Variants in TPCN1 observed in about 807,000 individuals in gnomAD.
The protein encoded by TPCN1 is two pore channel protein 1.
In TPCN1, 52 loss-of-function variants were observed where a neutral mutation model predicts 108.8. The observed-to-expected ratio is 0.48, with a 90% CI of 0.38 to 0.60. The LOEUF (loss-of-function observed/expected upper bound fraction) is 0.60. Ranked by LOEUF, TPCN1 falls within the 20% of genes least tolerant of loss-of-function variation. The pLI is 0.00. For synonymous variants in TPCN1, 446 were observed against 433.7 expected, an observed-to-expected ratio of 1.03 and a Z score of -0.35; for missense variants, 806 against 1,072.8, an observed-to-expected ratio of 0.75 and a Z score of 3.47.
chr12:113,269,856 G>C lies in TPCN1; in HGVS notation c.748+11G>C. On this transcript the variant is annotated intron_variant, in intron 7 of 27. Transcript: ENST00000335509. The surrounding 1 kb of genome is among the most constrained non-coding windows in gnomAD (Gnocchi z 5.0). ...TCTTTGCCATCCTCGGTGAGTTCCC[G>C]CCTCTCAGGCCCAGGTGCGCTGGAA... is the stretch of plus-strand genomic sequence containing the variant. 6.2e-7 allele frequency: 1 copy of C among 1,613,144 alleles called. No homozygotes were observed. The highest frequency in any genetic ancestry group is 8.5e-7 in the Non-Finnish European group (1 of 1,179,614).
At chr12:113,229,821 A>T (rs551237355) in intron 2 of TPCN1, among the ~76,000 whole-genome samples, 2 of 152,092 alleles carry the variant, frequency 1.3e-5, no homozygotes, top group East Asian at 1.9e-4. Context: ...CACAAGCCCA[A>T]CCTGGTTGTT....
At chr12:113,227,738 C>G (rs1295421654) in intron 2 of TPCN1, among the ~76,000 whole-genome samples, 1 of 152,132 alleles carries the variant, frequency 6.6e-6, no homozygotes, top group African/African-American at 2.4e-5. Flanking sequence ...AATGGATGTT[C>G]CACCGTCTCC....
At chr12:113,275,867 G>C (rs1037759664) in intron 10 of TPCN1, among the ~76,000 whole-genome samples, 5 of 152,132 alleles carry the variant, frequency 3.3e-5, no homozygotes, top group Non-Finnish European at 5.9e-5. Flanking sequence ...ACCGTGCCCG[G>C]CCTGAGAAAA....
Position 113,278,828 on chromosome 12 carries a change from C to T in TPCN1, c.1290C>T (p.Ile430=). ...FDELPRTALL[I]FKGINILVKS... is the part of the protein sequence containing the mutation. ...AGCTTCCCAGGACGGCGCTCCTCAT[C>T]TTCAAAGGTAAGTGGGCTTGAGTAT... Residue 430 remains isoleucine (I), a synonymous_variant, in exon 14 of 28, where the codon ATC becomes ATT. Transcript: ENST00000335509. The T allele has an allele frequency of 6.2e-7, 1 of 1,613,958 alleles. No individual in the cohort carries two copies. Among genetic ancestry groups the T allele is most frequent in the Non-Finnish European group, 8.5e-7 (1 of 1,179,898 alleles).
rs536987334 is a variant in TPCN1 at position 113,238,171 on chromosome 12, C to T, written c.112+11207C>T. 4.2e-3 allele frequency among the ~76,000 whole-genome samples: 635 copies of T among 152,302 alleles called. 10 individuals are homozygous for T. Among genetic ancestry groups the T allele is most frequent in the Non-Finnish European group, 5.1e-3 (346 of 68,018 alleles). Reference sequence around the variant, plus strand: ...GAAACCTATCCTCATAGCCACACTTCCGGTATTGAGGAATTGGCATCTTGG... The same window carrying T: ...GAAACCTATCCTCATAGCCACACTTTCGGTATTGAGGAATTGGCATCTTGG... On this transcript the variant is annotated intron_variant, in intron 2 of 27. Transcript: ENST00000335509.
intron 2 of TPCN1, among the ~76,000 whole-genome samples, chr12:113,241,074 C>G (rs1461449686): frequency 6.6e-6 from 1 of 152,110 alleles, no homozygotes; most frequent in East Asian, 1.9e-4. Flanking sequence ...TTTAGGGTGG[C>G]TTCTTGATTT....
intron 2 of TPCN1, among the ~76,000 whole-genome samples, chr12:113,252,402 TGA>T (rs1954677691): frequency 6.6e-6 from 1 of 152,122 alleles, no homozygotes; most frequent in African/African-American, 2.4e-5. Flanking sequence ...AGGAACGGGC[TGA>T]GAGAGCCTCC....
chr12:113,251,282 A>G (rs149634150), intron 2 of TPCN1, among the ~76,000 whole-genome samples: 2 of 152,228 alleles, frequency 1.3e-5, no homozygotes, highest in African/African-American at 2.4e-5. Flanking sequence ...GCCTGGGCTC[A>G]ATAAAAAGAA....
intron 15 of TPCN1, among the ~76,000 whole-genome samples, chr12:113,280,985 A>G (rs964332931): frequency 1.3e-5 from 2 of 152,132 alleles, no homozygotes; most frequent in East Asian, 1.9e-4. Context: ...TCAGGCCTAC[A>G]GCAATTTTAA....
In TPCN1 at chr12:113,272,794, C is replaced by G; in HGVS notation, c.783+102C>G. 1 of 1,189,082 alleles carries G rather than the reference C, an allele frequency of 8.4e-7. No homozygotes were observed. Among genetic ancestry groups the G allele is most frequent in the Non-Finnish European group, 1.3e-6 (1 of 794,700 alleles). The allele number at this position is 1,189,082 out of a possible 1,614,324, so 73.7% of individuals were successfully genotyped here. A position where few individuals can be genotyped will look rare whatever the true frequency, so the allele number is the denominator to read the frequency against. ...TGTGGCCATATGGGGAAGGGGGGGCCTGCCTGGTTTCTCATCATAGCTTGT... is the reference window on the plus strand; with the variant it reads ...TGTGGCCATATGGGGAAGGGGGGGCGTGCCTGGTTTCTCATCATAGCTTGT... On this transcript the variant is annotated intron_variant, in intron 8 of 27. Transcript: ENST00000335509. This position sits in a 1 kb window ranked among gnomAD's most constrained non-coding sequence, Gnocchi z 4.1.
intron 10 of TPCN1, among the ~76,000 whole-genome samples, chr12:113,275,577 C>T (rs1955644513): frequency 7.1e-6 from 1 of 140,260 alleles, no homozygotes; most frequent in Admixed American, 7.2e-5. Context: ...AAAATATTTC[C>T]TTTTTTTTTT....
chr12:113,294,892 C>G (rs1460824534), intron 27 of TPCN1, among the ~76,000 whole-genome samples: 1 of 152,178 alleles, frequency 6.6e-6, no homozygotes. Context: ...TAGCTTGAAG[C>G]CCTTCTGTTT....
chr12:113,273,440 G>C lies in TPCN1; in HGVS notation c.843-129G>C. ...TTGGCCCACTGAGCACGGAGCCCAG[G>C]GATGAGAGTAGGGGAACCAGGGTTG... On this transcript the variant is annotated intron_variant, in intron 9 of 27. Coordinates refer to ENST00000335509, the MANE Select transcript of TPCN1 (RefSeq NM_017901.6). The surrounding 1 kb of genome is among the most constrained non-coding windows in gnomAD (Gnocchi z 4.0). The C allele has an allele frequency of 8.1e-7, 1 of 1,237,246 alleles. No homozygotes were observed. The highest frequency in any genetic ancestry group is 2.3e-5 in the East Asian group (1 of 43,038). The allele number at this position is 1,237,246 out of a possible 1,614,324, so 76.6% of individuals were successfully genotyped here.
intron 2 of TPCN1, among the ~76,000 whole-genome samples, chr12:113,250,555 C>T (rs1228031133): frequency 2.0e-5 from 3 of 152,242 alleles, no homozygotes; most frequent in African/African-American, 4.8e-5. Flanking sequence ...CCACTAAGGG[C>T]CCAGCACCTA....
rs1955277267 is a variant in TPCN1 at position 113,266,739 on chromosome 12, C to T, written c.414+383C>T. 6.6e-6 allele frequency among the ~76,000 whole-genome samples: 1 copy of T among 152,176 alleles called. No individual in the cohort carries two copies. The highest frequency in any genetic ancestry group is 6.5e-5 in the Admixed American group (1 of 15,282). ...CACCATGGGAGGTGGGGGATGTTTC[C>T]TGGGCAGCCCCAGCCCCGCAGATGT... On this transcript the variant is annotated intron_variant, in intron 4 of 27. Coordinates refer to ENST00000335509, the MANE Select transcript of TPCN1 (RefSeq NM_017901.6). The surrounding 1 kb of genome is among the most constrained non-coding windows in gnomAD (Gnocchi z 4.2).
intron 2 of TPCN1, among the ~76,000 whole-genome samples, chr12:113,243,952 C>T (rs1210397702): frequency 6.6e-6 from 1 of 152,126 alleles, no homozygotes; most frequent in African/African-American, 2.4e-5. Context: ...CTACATTCTC[C>T]TCTGTCCCCT....
intron 2 of TPCN1, among the ~76,000 whole-genome samples, chr12:113,248,059 G>A (rs931148409): frequency 5.3e-5 from 8 of 152,108 alleles, no homozygotes; most frequent in African/African-American, 1.4e-4. Context: ...CCCCTCTTCC[G>A]CAGATCCTTA....
At chr12:113,238,575 A>T in intron 2 of TPCN1, among the ~76,000 whole-genome samples, 1 of 152,326 alleles carries the variant, frequency 6.6e-6, no homozygotes, top group Non-Finnish European at 1.5e-5. Context: ...GATTACAGGC[A>T]TGAGCCACCA....
In TPCN1 at chr12:113,279,560, G is replaced by A. The variant is rs183377164; in HGVS notation, c.1298-591G>A. Among the ~76,000 whole-genome samples the A allele has an allele frequency of 1.4e-3, 209 of 150,290 alleles. 1 individual carries two copies. Among genetic ancestry groups the A allele is most frequent in the African/African-American group, 4.9e-3 (199 of 40,896 alleles). On this transcript the variant is annotated intron_variant, in intron 14 of 27. Transcript: ENST00000335509. The stretch of plus-strand genomic sequence containing the variant: ...ACTACAGGCATGTGCCACCATGCCC[G>A]GCTAATTTTGTGTGTGTGTGTTTTT...
Sources: allele counts gnomAD v4.1 joint callset (sites outside exome capture counted in the v4.1 genomes callset), GRCh38; gene constraint gnomAD v4.1.1; non-coding constraint Gnocchi (gnomAD v3.1); transcripts MANE v1.5; gene names NCBI Gene and HGNC (gene_info 2026-07-23, HGNC 2026-07-21).